Variants in RIBC1 observed in about 807,000 individuals in gnomAD.
The protein encoded by RIBC1 is RIB43A domain with coiled-coils 1.
Under a neutral mutation model 33.7 loss-of-function variants are expected in RIBC1, and 12 were observed. That is an observed-to-expected ratio of 0.36 (90% CI 0.23 to 0.58). The LOEUF (loss-of-function observed/expected upper bound fraction) is 0.58. Ranked by LOEUF, RIBC1 falls within the 20% of genes least tolerant of loss-of-function variation. RIBC1 has a pLI of 0.81. For synonymous variants in RIBC1, 89 were observed against 109.0 expected (o/e 0.82, Z 1.14); for missense variants, 242 against 311.6 (o/e 0.78, Z 1.68).
chrX:53,431,006 C>T lies in RIBC1; in HGVS notation c.*18C>T. On this transcript the variant is annotated 3_prime_UTR_variant, in exon 8 of 8. Coordinates refer to ENST00000375327, the MANE Select transcript of RIBC1 (RefSeq NM_001031745.5). ...GCCGCTAAGTTCAGGATGTCTATCT[C>T]TCTCTCCCTTCTCCTCCATCAAGCT... 8.3e-7 allele frequency: 1 copy of T among 1,211,763 alleles called. No homozygotes were observed. The highest frequency in any genetic ancestry group is 1.1e-6 in the Non-Finnish European group (1 of 895,411).
At position 53,430,958 on chromosome X, in the gene RIBC1, TCACCAGCAGTTTAA is replaced by T; in HGVS notation, c.1120_1133del (p.Phe374ProfsTer21). ...ACACCAATCAACCTACAGCCCAGTA[TCACCAGCAGTTTAA>T]CACCAGCAGCCGCTAAGTTCAGGAT... On this transcript the variant is annotated frameshift_variant, in exon 8 of 8. Coordinates refer to ENST00000375327, the MANE Select transcript of RIBC1 (RefSeq NM_001031745.5). LOFTEE classifies it high-confidence loss of function. 8.3e-7 allele frequency: 1 copy of T among 1,210,922 alleles called. No individual in the cohort carries two copies. The highest frequency in any genetic ancestry group is 1.8e-5 in the South Asian group (1 of 56,978).
intron 4 of RIBC1, 64 bp from the exon 5 acceptor site, chrX:53,428,219 A>T (rs1449878701): frequency 8.3e-7 from 1 of 1,198,496 alleles, no homozygotes; most frequent in African/African-American, 1.8e-5. Context: ...AGAGTAGAGG[A>T]CATGCTAAGT....
In RIBC1 at chrX:53,426,325, G is replaced by A. The variant is rs2075791527; in HGVS notation, c.49G>A (p.Glu17Lys). The change falls in exon 3 of 8, where the codon GAG (glutamate) becomes AAG (lysine). Residue 17 changes from glutamate to lysine, a missense_variant. Glu to Lys is a moderately conservative substitution (Grantham distance 56). Coordinates refer to ENST00000375327, the MANE Select transcript of RIBC1 (RefSeq NM_001031745.5). ...STDTKEAAAI[E>K]ARRNREKERQ... The stretch of plus-strand genomic sequence containing the variant: ...AGATACCAAGGAAGCAGCAGCCATC[G>A]AGGCTAGAAGAAATCGAGAAAAAGA... The A allele has an allele frequency of 6.6e-6, 8 of 1,207,921 alleles. No homozygotes were observed. The highest frequency in any genetic ancestry group is 9.0e-6 in the Non-Finnish European group (8 of 893,756).
intron 2 of RIBC1, among the ~76,000 whole-genome samples, chrX:53,424,785 G>A (rs1438477114): frequency 1.8e-5 from 2 of 110,063 alleles, no homozygotes; most frequent in Non-Finnish European, 3.8e-5. Flanking sequence ...CCTAAGTGAC[G>A]CCGGGCACAA....
rs1556893216 is a variant in RIBC1 at position 53,426,383 on chromosome X, G to A, written c.107G>A (p.Arg36Gln). The change falls in exon 3 of 8, where the codon CGA becomes CAA. Residue 36 changes from arginine (R) to glutamine (Q), a missense_variant. By Grantham distance (43) the Arg-to-Gln change is conservative. Transcript: ENST00000375327. Reference sequence around the variant, plus strand: ...AACCGATTCTTCAATGTGCGGAACCGAGTCATGGGGGTGAGTGGGTAGTAG... The same window carrying A: ...AACCGATTCTTCAATGTGCGGAACCAAGTCATGGGGGTGAGTGGGTAGTAG... Reference protein sequence around the residue: ...RQNRFFNVRNRVMGVDVQALN... With the variant: ...RQNRFFNVRNQVMGVDVQALN... 4.2e-6 allele frequency: 5 copies of A among 1,181,801 alleles called. No homozygotes were observed. The highest frequency in any genetic ancestry group is 3.0e-5 in the East Asian group (1 of 33,503).
chrX:53,429,024 G>A, intron 5 of RIBC1: 1 of 200,957 alleles, frequency 5.0e-6, no homozygotes. Flanking sequence ...TCTTCCATTA[G>A]AAGAAGCCCT....
intron 3 of RIBC1, among the ~76,000 whole-genome samples, 186 bp downstream of exon 3, chrX:53,426,579 A>T (rs1225229557): frequency 8.9e-6 from 1 of 111,982 alleles, no homozygotes; most frequent in Non-Finnish European, 1.9e-5. Flanking sequence ...GGGAAGAGGG[A>T]TAGGTCAGTG....
chrX:53,430,064 C>G, intron 6 of RIBC1, 92 bp downstream of exon 6: 1 of 753,209 alleles, frequency 1.3e-6, no homozygotes, highest in East Asian at 3.3e-5. Flanking sequence ...CTTACATCCC[C>G]TCTTAAATCA....
intron 3 of RIBC1, among the ~76,000 whole-genome samples, chrX:53,427,012 C>T (rs1299307438): frequency 2.7e-5 from 3 of 112,205 alleles, no homozygotes; most frequent in Non-Finnish European, 5.6e-5. Flanking sequence ...TAAACTATCT[C>T]TGCAAGGCTA....
At chrX:53,425,515 T>TAAAAAAAAAAAAAAAAAAAAAAAAAAAA (rs782760749) in intron 2 of RIBC1, among the ~76,000 whole-genome samples, 1 of 25,861 alleles carries the variant, frequency 3.9e-5, no homozygotes. Flanking sequence ...GTAATAAAAG[T>TAAAAAAAAAAAAAAAAAAAAAAAAAAAA]AAAAAAAAAA....
Position 53,422,875 on chromosome X carries a change from A to C in RIBC1, c.-219A>C. ...ACAAACACTTGCTCCTGCGGACCAG[A>C]TCCCCGGAGGAGTTGTTGCTGGGCG... On this transcript the variant is annotated 5_prime_UTR_variant, in exon 1 of 8. Transcript: ENST00000375327. The C allele has an allele frequency of 6.7e-6, 2 of 300,189 alleles. No individual in the cohort carries two copies. The highest frequency in any genetic ancestry group is 6.9e-5 in the South Asian group (2 of 29,101). 24.7% of individuals were successfully genotyped at this position (300,189 alleles called of 1,213,427 possible).
At position 53,429,874 on chromosome X, in the gene RIBC1, C is replaced by T; in HGVS notation, c.565C>T (p.Arg189Cys). Residue 189 changes from arginine (R) to cysteine (C), a missense_variant, in exon 6 of 8, where the codon CGC (arginine) becomes TGC (cysteine). Coordinates refer to ENST00000375327, the MANE Select transcript of RIBC1 (RefSeq NM_001031745.5). The part of the protein sequence containing the change: ...NYTDALSNQL[R>C]LAMDAQATHL... The stretch of plus-strand genomic sequence containing the variant: ...TGTAGATGCGCTCAGTAACCAGCTG[C>T]GCCTCGCCATGGATGCACAGGCCAC... 5 of 1,198,121 alleles carry T rather than the reference C, an allele frequency of 4.2e-6. No individual in the cohort carries two copies. Among genetic ancestry groups the T allele is most frequent in the Non-Finnish European group, 5.6e-6 (5 of 887,083 alleles).
At chrX:53,426,219 G>A (rs1556893136) in intron 2 of RIBC1, 58 bp from the exon 3 acceptor site, 3 of 709,578 alleles carry the variant, frequency 4.2e-6, no homozygotes, top group African/African-American at 4.2e-5. Flanking sequence ...TGGGGGTGGC[G>A]TGTAGTCAAA....
chrX:53,424,630 G>A (rs1556892842), intron 2 of RIBC1, among the ~76,000 whole-genome samples: 2 of 106,359 alleles, frequency 1.9e-5, no homozygotes, highest in Non-Finnish European at 3.9e-5. Context: ...CAAAGTGCTG[G>A]GATTACAGGC....
intron 5 of RIBC1, chrX:53,429,139 T>C (rs1481972092): frequency 8.4e-6 from 1 of 119,725 alleles, no homozygotes; most frequent in Non-Finnish European, 1.7e-5. Flanking sequence ...TTGTAGCTAA[T>C]TGTGAAAGTA....
chrX:53,430,657 G>C lies in RIBC1; in HGVS notation c.925G>C (p.Glu309Gln), dbSNP rs782077185. The change falls in exon 7 of 8, where the codon GAA (glutamate) becomes CAA (glutamine). Residue 309 changes from glutamate (E) to glutamine (Q), a missense_variant. By Grantham distance (29) the Glu-to-Gln change is conservative. Transcript: ENST00000375327. ...TCAGGCTGAGAAAACACTGGATACT[G>C]AATGGAAAAGCCAGACCATGAGCTC... ...HRQAEKTLDTEWKSQTMSSAQ... is the reference protein window; with the variant it reads ...HRQAEKTLDTQWKSQTMSSAQ... 2.5e-6 allele frequency: 3 copies of C among 1,204,501 alleles called. No individual in the cohort carries two copies. Among genetic ancestry groups the C allele is most frequent in the Non-Finnish European group, 3.4e-6 (3 of 892,242 alleles).
At chrX:53,426,997 A>ATAG (rs782402502) in intron 3 of RIBC1, among the ~76,000 whole-genome samples, 4 of 112,184 alleles carry the variant, frequency 3.6e-5, no homozygotes, top group Non-Finnish European at 7.5e-5. Flanking sequence ...ATTACTGCAT[A>ATAG]TACCTAAACT....
At chrX:53,426,451 G>C (rs1399580190) in intron 3 of RIBC1, 58 bp downstream of exon 3, 14 of 763,764 alleles carry the variant, frequency 1.8e-5, no homozygotes, top group Non-Finnish European at 2.6e-5. Flanking sequence ...CTTACACCTG[G>C]AGAGGAATGT....
At position 53,431,062 on chromosome X, in the gene RIBC1, G is replaced by A. The variant is rs1192255167; in HGVS notation, c.*74G>A. On this transcript the variant is annotated 3_prime_UTR_variant, in exon 8 of 8. Coordinates refer to ENST00000375327, the MANE Select transcript of RIBC1 (RefSeq NM_001031745.5). ...GTGGTTAGGAGTCAAAGAGAAAAAT[G>A]CTGCATACTCCCACCTTCTAACCTA... 2 of 1,197,103 alleles carry A rather than the reference G, an allele frequency of 1.7e-6. No individual in the cohort carries two copies. Among genetic ancestry groups the A allele is most frequent in the Non-Finnish European group, 2.3e-6 (2 of 885,084 alleles).
Sources: allele counts gnomAD v4.1 joint callset (sites outside exome capture counted in the v4.1 genomes callset), GRCh38; gene constraint gnomAD v4.1.1; transcripts MANE v1.5; gene names NCBI Gene and HGNC (gene_info 2026-07-23, HGNC 2026-07-21).